Variants in AIM2 observed in about 807,000 individuals in gnomAD.
AIM2 encodes interferon-inducible protein AIM2.
Under a neutral mutation model 27.7 loss-of-function variants are expected in AIM2, and 30 were observed. The ratio of observed to expected loss-of-function variants is 1.08; its 90% CI spans 0.81 to 1.47. The LOEUF (loss-of-function observed/expected upper bound fraction) is 1.47. Ranked by LOEUF, AIM2 falls within the 40% of genes most tolerant of loss-of-function variation. AIM2 has a pLI of 0.00. For synonymous variants in AIM2, 141 were observed against 145.3 expected (o/e 0.97, Z 0.21); for missense variants, 358 against 411.3 (o/e 0.87, Z 1.12).
Position 159,063,619 on chromosome 1 carries a change from A to G in AIM2, c.872T>C (p.Met291Thr). 1 of 1,613,804 alleles carries G rather than the reference A, an allele frequency of 6.2e-7. No homozygotes were observed. The highest frequency in any genetic ancestry group is 1.7e-5 in the Admixed American group (1 of 59,996). ...LFDLSDNTGK[M>T]EVLGVRNEDT... ...CTCGTTTCTAACCCCCAGTACTTCC[A>G]TTTTCCCAGTGTTGTCACTTAGGTC... The change falls in exon 5 of 6, where the codon ATG becomes ACG. Residue 291 changes from methionine (M) to threonine (T), a missense_variant. Physicochemically the swap from Met to Thr is moderately conservative, Grantham distance 81 (BLOSUM62 -1). Transcript: ENST00000368130.
At chr1:159,061,003 A>G (rs906030324), downstream of AIM2, among the ~76,000 whole-genome samples, 1 of 152,208 alleles carries the variant, frequency 6.6e-6, no homozygotes. Context: ...TCCCACCAGC[A>G]ATAAGTAAGA....
intron 3 of AIM2, among the ~76,000 whole-genome samples, chr1:159,068,087 T>G (rs1271548711): frequency 6.6e-6 from 1 of 152,140 alleles, no homozygotes; most frequent in African/African-American, 2.4e-5. Flanking sequence ...ATCTCTGATG[T>G]GACCCAGAGC....
At chr1:159,105,692 T>C (rs1259166176) in intron 1 of AIM2, among the ~76,000 whole-genome samples, 1 of 152,158 alleles carries the variant, frequency 6.6e-6, no homozygotes, top group Non-Finnish European at 1.5e-5. Flanking sequence ...CCTGATGAGC[T>C]GAGGAGACCC....
intron 1 of AIM2, among the ~76,000 whole-genome samples, chr1:159,107,323 T>C (rs1169139631): frequency 2.0e-5 from 3 of 150,558 alleles, no homozygotes; most frequent in African/African-American, 7.5e-5. Flanking sequence ...TGTGTGTGTG[T>C]GTGTGTGTGC....
At chr1:159,087,988 A>G (rs1428802660) in intron 1 of AIM2, among the ~76,000 whole-genome samples, 2 of 152,126 alleles carry the variant, frequency 1.3e-5, no homozygotes, top group Admixed American at 6.5e-5. Flanking sequence ...TTTTCAGTTT[A>G]TTCTTGCTTC....
In AIM2 at chr1:159,088,495, AG is replaced by A. The variant is rs1485855703; in HGVS notation, c.-15-22167del. On this transcript the variant is annotated intron_variant, in intron 1 of 2. Coordinates refer to the AIM2 transcript ENST00000368129. ...AAATGATGTTCCTCCACCAAGAACC[AG>A]CTTCAATGAAACTGCAGTGTCTAAG... Among the ~76,000 whole-genome samples, 10 of 152,162 alleles carry A rather than the reference AG, an allele frequency of 6.6e-5. 1 individual carries two copies. In the East Asian group the frequency reaches 1.9e-3, roughly 29 times the overall value.
intron 1 of AIM2, among the ~76,000 whole-genome samples, chr1:159,126,260 A>G (rs1647683242): frequency 6.6e-6 from 1 of 152,192 alleles, no homozygotes. Flanking sequence ...CATTTCCTGC[A>G]CTGTGGCCAC....
chr1:159,087,526 G>A (rs1412592197), intron 1 of AIM2, among the ~76,000 whole-genome samples: 1 of 150,804 alleles, frequency 6.6e-6, no homozygotes, highest in Non-Finnish European at 1.5e-5. Flanking sequence ...TGCCATCTGT[G>A]TGTTATAAAA....
downstream of AIM2, among the ~76,000 whole-genome samples, chr1:159,061,537 T>C (rs1655834508): frequency 6.7e-6 from 1 of 148,376 alleles, no homozygotes. Flanking sequence ...GGATTACAGG[T>C]GCCCACCACC....
upstream of AIM2, among the ~76,000 whole-genome samples, chr1:159,145,353 T>C (rs1648183019): frequency 1.3e-5 from 2 of 152,148 alleles, no homozygotes; most frequent in Non-Finnish European, 2.9e-5. Context: ...TTCTGACCCA[T>C]CATAATAAAG....
chr1:159,093,410 C>G (rs1210540098), intron 1 of AIM2, among the ~76,000 whole-genome samples: 1 of 152,120 alleles, frequency 6.6e-6, no homozygotes, highest in Non-Finnish European at 1.5e-5. Flanking sequence ...CTGCTGGTAG[C>G]ATAGGGAGAT....
At chr1:159,094,285 A>G (rs962584467) in intron 1 of AIM2, among the ~76,000 whole-genome samples, 3 of 152,162 alleles carry the variant, frequency 2.0e-5, no homozygotes, top group Non-Finnish European at 4.4e-5. Context: ...CTTGTGCACC[A>G]ACCTAATACT....
chr1:159,113,797 A>G (rs531250775), intron 1 of AIM2, among the ~76,000 whole-genome samples: 41 of 152,226 alleles, frequency 2.7e-4, no homozygotes, highest in Non-Finnish European at 2.9e-4. Flanking sequence ...GTAAGAACAT[A>G]TATCAGATAG....
chr1:159,103,770 A>T (rs563426594), intron 1 of AIM2, among the ~76,000 whole-genome samples: 162 of 152,244 alleles, frequency 1.1e-3, no homozygotes, highest in African/African-American at 3.7e-3. Flanking sequence ...AGCCTTCCCG[A>T]ATAACAAATC....
intron 1 of AIM2, among the ~76,000 whole-genome samples, chr1:159,100,639 C>T (rs941896627): frequency 2.6e-5 from 4 of 152,210 alleles, no homozygotes; most frequent in African/African-American, 9.6e-5. Context: ...TCCTTTACAA[C>T]AATTGAATCT....
Position 159,068,639 on chromosome 1 carries a change from C to T in AIM2, c.325G>A (p.Ala109Thr), listed in dbSNP as rs762352774. 2 of 1,613,834 alleles carry T rather than the reference C, an allele frequency of 1.2e-6. No individual in the cohort carries two copies. Among genetic ancestry groups the T allele is most frequent in the Non-Finnish European group, 1.7e-6 (2 of 1,179,862 alleles). ...KPLSQAEMSP[A>T]ASAAIRNDVA... ...TCATTTCTGATGGCTGCAGATGCAGCAGGACTCATTTCAGCTTGACTTAGT... is the reference window on the plus strand; with the variant it reads ...TCATTTCTGATGGCTGCAGATGCAGTAGGACTCATTTCAGCTTGACTTAGT... Residue 109 changes from alanine to threonine, a missense_variant, in exon 3 of 6, where the codon GCT becomes ACT. Coordinates refer to ENST00000368130, the MANE Select transcript of AIM2 (RefSeq NM_004833.3).
intron 5 of AIM2, 140 bp downstream of exon 5, chr1:159,063,346 C>CTT: frequency 1.3e-6 from 1 of 751,536 alleles, no homozygotes; most frequent in Non-Finnish European, 2.1e-6. Flanking sequence ...GGAGGTTCCT[C>CTT]AGTTCTGTGA....
At chr1:159,065,676 T>G (rs1656055908) in intron 4 of AIM2, among the ~76,000 whole-genome samples, 1 of 152,234 alleles carries the variant, frequency 6.6e-6, no homozygotes, top group East Asian at 1.9e-4. Flanking sequence ...TAATTCCTTT[T>G]TCAGAGGCTA....
chr1:159,116,496 T>C (rs1200161915), intron 1 of AIM2, among the ~76,000 whole-genome samples: 1 of 152,132 alleles, frequency 6.6e-6, no homozygotes, highest in Admixed American at 6.5e-5. Flanking sequence ...TGGAATACTA[T>C]GCAGCCATAA....
Sources: gnomAD v4.1 joint callset for allele counts (sites outside exome capture counted in the v4.1 genomes callset) on GRCh38, gnomAD v4.1.1 for gene constraint, MANE v1.5 for transcripts, NCBI Gene and HGNC (gene_info 2026-07-23, HGNC 2026-07-21) for gene names.